KLHL3: variants seen among roughly 807,000 people sequenced by gnomAD.
KLHL3 encodes the protein kelch like family member 3, also known as kelch-like protein 3.
KLHL3 carries 19 observed loss-of-function variants against 70.5 expected under a neutral mutation model. The observed-to-expected ratio is 0.27, with a 90% confidence interval of 0.19 to 0.40. The LOEUF is 0.40. Among genes scored for constraint, KLHL3 ranks in the 10% least tolerant of loss-of-function variants. The pLI is 1.00. For missense variants in KLHL3, 512 were observed against 771.1 expected (o/e 0.66, Z 3.98); for synonymous variants, 258 against 290.3 (o/e 0.89, Z 1.13).
rs1485493898 is a variant in KLHL3 at position 137,726,414 on chromosome 5, C to T, written c.15-5830G>A. Among the ~76,000 whole-genome samples, 3 of 152,124 alleles carry T rather than the reference C, an allele frequency of 2.0e-5. No individual in the cohort carries two copies. In the South Asian group the frequency reaches 6.2e-4, roughly 32 times the overall value. On this transcript the variant is annotated intron_variant, in intron 1 of 14. Transcript: ENST00000309755. ...CCTATTATGTGCCAAGCAGATGAAC[C>T]GTTCACTGCAGACACCTATATTTCC...
Position 137,639,066 on chromosome 5 carries a change from C to T in KLHL3, c.1106G>A (p.Gly369Asp). The T allele has an allele frequency of 6.2e-6, 10 of 1,614,162 alleles. No homozygotes were observed. Among genetic ancestry groups the T allele is most frequent in the Non-Finnish European group, 8.5e-6 (10 of 1,180,032 alleles). The part of the protein sequence containing the change: ...LRVRTVDVYD[G>D]VKDQWTSIAS... ...AATGGACGTCCACTGGTCCTTCACGCCGTCATACACATCCACTGTCCGCAC... is the reference window on the plus strand; with the variant it reads ...AATGGACGTCCACTGGTCCTTCACGTCGTCATACACATCCACTGTCCGCAC... Residue 369 changes from glycine (G) to aspartate (D), a missense_variant, in exon 10 of 15, where the codon GGC (glycine) becomes GAC (aspartate). Transcript: ENST00000309755. The surrounding 1 kb of genome is among the most constrained non-coding windows in gnomAD (Gnocchi z 5.0).
At chr5:137,715,826 T>C (rs1177383323) in intron 2 of KLHL3, among the ~76,000 whole-genome samples, 1 of 152,232 alleles carries the variant, frequency 6.6e-6, no homozygotes, top group East Asian at 1.9e-4. Context: ...ACAACAGTAA[T>C]ATATGTGTTG....
intron 2 of KLHL3, among the ~76,000 whole-genome samples, chr5:137,713,994 T>G (rs1040282984): frequency 6.6e-6 from 1 of 151,998 alleles, no homozygotes; most frequent in Non-Finnish European, 1.5e-5. Context: ...CATTTAGCAT[T>G]AGGTATATCT....
intron 4 of KLHL3, 125 bp downstream of exon 4, chr5:137,698,162 C>T: frequency 7.5e-7 from 1 of 1,328,884 alleles, no homozygotes; most frequent in African/African-American, 1.5e-5. Flanking sequence ...CACCTGACCT[C>T]TCTGGAGCTT....
intron 5 of KLHL3, among the ~76,000 whole-genome samples, chr5:137,685,927 G>A (rs1752151968): frequency 6.6e-6 from 1 of 152,236 alleles, no homozygotes; most frequent in Non-Finnish European, 1.5e-5. Context: ...TAGGATTGTG[G>A]TATAATTCTT....
intron 6 of KLHL3, among the ~76,000 whole-genome samples, chr5:137,675,262 TTTTTAAGTGTATACA>T (rs1329742732): frequency 6.6e-6 from 1 of 152,178 alleles, no homozygotes; most frequent in Non-Finnish European, 1.5e-5. Context: ...CTGCAAACAA[TTTTTAAGTGTATACA>T]TTTTAAGTGT....
At chr5:137,636,845 A>T (rs1221140850) in intron 11 of KLHL3, among the ~76,000 whole-genome samples, 12 of 152,200 alleles carry the variant, frequency 7.9e-5, no homozygotes, top group African/African-American at 2.2e-4. Context: ...GAGTCATCAG[A>T]CCTAAGAAGA....
chr5:137,658,369 C>T (rs1261758790), intron 7 of KLHL3, 89 bp from the exon 8 acceptor site: 6 of 1,199,778 alleles, frequency 5.0e-6, no homozygotes, highest in Non-Finnish European at 7.4e-6. Context: ...TCCTGCACTC[C>T]CACACTCATT....
chr5:137,637,844 T>A (rs1404350181), intron 10 of KLHL3, among the ~76,000 whole-genome samples: 1 of 152,178 alleles, frequency 6.6e-6, no homozygotes, highest in Non-Finnish European at 1.5e-5. Flanking sequence ...TAAGCAGAAG[T>A]CTACGGGGAT....
chr5:137,673,219 C>A (rs567695846), intron 6 of KLHL3, among the ~76,000 whole-genome samples: 1 of 152,254 alleles, frequency 6.6e-6, no homozygotes, highest in African/African-American at 2.4e-5. Context: ...AGGTCACCAG[C>A]AGGAGGGTGT....
chr5:137,639,982 GGA>G lies in KLHL3; in HGVS notation c.904-7_904-6del. On this transcript the variant is annotated splice_region_variant and splice_polypyrimidine_tract_variant and intron_variant, in intron 8 of 14. Transcript: ENST00000309755. The surrounding 1 kb of genome is among the most constrained non-coding windows in gnomAD (Gnocchi z 5.0). ...GCCGCCAACCACAATCATGACCTCC[GGA>G]GAGACAAGTGGACGTTAGCGGGGTC... 1.2e-6 allele frequency: 2 copies of G among 1,613,208 alleles called. No individual in the cohort carries two copies. The highest frequency in any genetic ancestry group is 2.2e-5 in the South Asian group (2 of 91,040).
chr5:137,643,033 T>A (rs185024775), intron 8 of KLHL3, among the ~76,000 whole-genome samples: 62 of 152,206 alleles, frequency 4.1e-4, no homozygotes, highest in African/African-American at 1.4e-3. Flanking sequence ...AATGTTAAAG[T>A]AAAGCCTGAG....
chr5:137,629,389 A>G (rs1750571614), intron 12 of KLHL3: 1 of 152,036 alleles, frequency 6.6e-6, no homozygotes, highest in Non-Finnish European at 1.5e-5. Flanking sequence ...AGACTTCTCC[A>G]CTCCATGGGC....
Position 137,687,268 on chromosome 5 carries a change from G to C in KLHL3, c.526+5017C>G, listed in dbSNP as rs1220537562. On this transcript the variant is annotated intron_variant, in intron 5 of 14. Transcript: ENST00000309755. ...AGGCGCGGGGGGGGGTCGGCCAGCC[G>C]CCCTGTCCGGGAGGGAGGTGGGGGG... Among the ~76,000 whole-genome samples, 3 of 38,052 alleles carry C rather than the reference G, an allele frequency of 7.9e-5. 1 individual carries two copies. Among genetic ancestry groups the C allele is most frequent in the Non-Finnish European group, 9.7e-5 (2 of 20,586 alleles). The allele number at this position is 38,052 out of a possible 152,430, so 25.0% of individuals were successfully genotyped here.
chr5:137,707,288 C>G (rs1444230265), intron 3 of KLHL3, among the ~76,000 whole-genome samples: 1 of 152,048 alleles, frequency 6.6e-6, no homozygotes, highest in Non-Finnish European at 1.5e-5. Flanking sequence ...CAAAAATTAG[C>G]CAGGCATGGT....
chr5:137,730,930 GA>G (rs913546325), intron 1 of KLHL3, among the ~76,000 whole-genome samples: 1 of 148,806 alleles, frequency 6.7e-6, no homozygotes, highest in Non-Finnish European at 1.5e-5. Flanking sequence ...TTATTTAACA[GA>G]AAAAAAAATC....
rs1045906480 is a variant in KLHL3 at position 137,618,894 on chromosome 5, T to TAAAAAAAAAAAAAAAAAAAAAAAAAAA, written c.*3203_*3204insTTTTTTTTTTTTTTTTTTTTTTTTTTT. 1 of 146,210 alleles carries TAAAAAAAAAAAAAAAAAAAAAAAAAAA rather than the reference T, an allele frequency of 6.8e-6. No individual in the cohort carries two copies. Among genetic ancestry groups the TAAAAAAAAAAAAAAAAAAAAAAAAAAA allele is most frequent in the Non-Finnish European group, 1.5e-5 (1 of 66,988 alleles). 9.1% of individuals were successfully genotyped at this position (146,210 alleles called of 1,614,324 possible). ...CAGACTCCCTTGAATATGGTATTTT[T>TAAAAAAAAAAAAAAAAAAAAAAAAAAA]AAAAAAAAAAAAAAGGCTCATCTAC... On this transcript the variant is annotated 3_prime_UTR_variant, in exon 15 of 15. Coordinates refer to ENST00000309755, the MANE Select transcript of KLHL3 (RefSeq NM_017415.3).
chr5:137,659,003 G>A (rs1751410687), intron 7 of KLHL3, among the ~76,000 whole-genome samples: 1 of 152,164 alleles, frequency 6.6e-6, no homozygotes, highest in Non-Finnish European at 1.5e-5. Context: ...AAGCCTAAAG[G>A]TTTCATGAGC....
chr5:137,683,087 C>T lies in KLHL3; in HGVS notation c.527-5433G>A, dbSNP rs374200818. ...TTTCTCTGAGACCCAACTGTACCCC[C>T]AGAGAAAGCCCTTGCCTGGGAATGT... On this transcript the variant is annotated intron_variant, in intron 5 of 14. Transcript: ENST00000309755. Among the ~76,000 whole-genome samples, 44 of 152,252 alleles carry T rather than the reference C, an allele frequency of 2.9e-4. 2 individuals carry two copies. In the South Asian group the frequency reaches 7.7e-3, roughly 27 times the overall value.
Sources: allele counts gnomAD v4.1 joint callset (sites outside exome capture counted in the v4.1 genomes callset), GRCh38; gene constraint gnomAD v4.1.1; non-coding constraint Gnocchi (gnomAD v3.1); transcripts MANE v1.5; gene names NCBI Gene and HGNC (gene_info 2026-07-23, HGNC 2026-07-21).